The following KIAA0319 variants were observed in gnomAD, a reference collection of about 807,000 sequenced individuals.
The protein encoded by KIAA0319 is dyslexia-associated protein KIAA0319.
KIAA0319 carries 83 observed loss-of-function variants against 108.4 expected under a neutral mutation model. That is an observed-to-expected ratio of 0.77 (90% CI 0.64 to 0.92). The LOEUF is 0.92. Ranked by LOEUF, KIAA0319 falls within the 40% of genes least tolerant of loss-of-function variation. KIAA0319 has a pLI of 0.00. For synonymous variants in KIAA0319, 484 were observed against 510.4 expected (o/e 0.95, Z 0.70); for missense variants, 1,195 against 1,322.4 (o/e 0.90, Z 1.49).
At chr6:24,566,212 T>C (rs2127450210) in intron 14 of KIAA0319, among the ~76,000 whole-genome samples, 1 of 152,346 alleles carries the variant, frequency 6.6e-6, no homozygotes, top group Middle Eastern at 3.4e-3. Context: ...TAACCCCATA[T>C]GACTGTATCT....
intron 1 of KIAA0319, among the ~76,000 whole-genome samples, chr6:24,640,075 AT>A (rs954699377): frequency 3.3e-4 from 50 of 151,522 alleles, no homozygotes; most frequent in African/African-American, 9.2e-4. Context: ...AAAGGCTGCA[AT>A]TTTTTTTTAT....
chr6:24,631,484 A>T (rs369835538), intron 1 of KIAA0319, among the ~76,000 whole-genome samples: 1 of 152,256 alleles, frequency 6.6e-6, no homozygotes, highest in African/African-American at 2.4e-5. Context: ...ACCAATTGCT[A>T]TGGTAAATTT....
At chr6:24,603,265 T>C (rs1006086861) in intron 1 of KIAA0319, among the ~76,000 whole-genome samples, 4 of 152,186 alleles carry the variant, frequency 2.6e-5, no homozygotes, top group African/African-American at 9.7e-5. Flanking sequence ...CATTAGGTGA[T>C]AGAATTGAGG....
At chr6:24,573,853 A>C (rs1283950508) in intron 10 of KIAA0319, among the ~76,000 whole-genome samples, 7 of 152,192 alleles carry the variant, frequency 4.6e-5, no homozygotes, top group African/African-American at 1.7e-4. Context: ...GCAGTGGCTC[A>C]TGCCTGTAAC....
Position 24,568,832 on chromosome 6 carries a change from C to CT in KIAA0319, c.2088dup (p.Asp697ArgfsTer20), listed in dbSNP as rs746820130. 6.2e-7 allele frequency: 1 copy of CT among 1,614,198 alleles called. No individual in the cohort carries two copies. The highest frequency in any genetic ancestry group is 2.2e-5 in the East Asian group (1 of 44,886). The stretch of plus-strand genomic sequence containing the variant: ...GACGTGCTGCTCAGTCCCTGCTGGT[C>CT]TTTCACTGTCAAACGGAAGTGGTAG... On this transcript the variant is annotated frameshift_variant, in exon 13 of 21. Coordinates refer to ENST00000378214, the MANE Select transcript of KIAA0319 (RefSeq NM_014809.4). LOFTEE classifies it high-confidence loss of function.
At position 24,554,506 on chromosome 6, in the gene KIAA0319, G is replaced by C. The variant is rs201843139; in HGVS notation, c.2948+35C>G. 3.9e-4 allele frequency: 556 copies of C among 1,425,050 alleles called. 3 individuals are homozygous for C. The highest frequency in any genetic ancestry group is 3.9e-3 in the Middle Eastern group (22 of 5,664). The allele number at this position is 1,425,050 out of a possible 1,614,324, so 88.3% of individuals were successfully genotyped here. A position where few individuals can be genotyped will look rare whatever the true frequency, so the allele number is the denominator to read the frequency against. On this transcript the variant is annotated intron_variant, in intron 19 of 20. Transcript: ENST00000378214. Reference sequence around the variant, plus strand: ...AGCTGTCAAAACACACTTAGTGTAGGGTCTCTATTTCCCAGGAATAAGCAC... The same window carrying C: ...AGCTGTCAAAACACACTTAGTGTAGCGTCTCTATTTCCCAGGAATAAGCAC...
intron 13 of KIAA0319, among the ~76,000 whole-genome samples, chr6:24,567,517 C>T (rs1764069392): frequency 6.6e-6 from 1 of 152,008 alleles, no homozygotes; most frequent in African/African-American, 2.4e-5. Flanking sequence ...GCCTGGGTAG[C>T]AAGACCCGTC....
Position 24,559,082 on chromosome 6 carries a change from G to A in KIAA0319, c.2665C>T (p.Leu889=). ...VLKAAEVARN[L]HMRLSKEKAD... ...TTCTCCTTTGAGAGCCGCATGTGCA[G>A]ATTTCGGGCCACTTCAGCAGCTTTG... The change falls in exon 17 of 21, where the codon CTG becomes TTG. Residue 889 remains leucine, a synonymous_variant. Transcript: ENST00000378214. The A allele has an allele frequency of 6.2e-7, 1 of 1,613,828 alleles. No homozygotes were observed. The highest frequency in any genetic ancestry group is 8.5e-7 in the Non-Finnish European group (1 of 1,179,980).
At chr6:24,642,691 TA>T (rs1396774567) in intron 1 of KIAA0319, among the ~76,000 whole-genome samples, 1 of 151,722 alleles carries the variant, frequency 6.6e-6, no homozygotes, top group Non-Finnish European at 1.5e-5. Flanking sequence ...TTGCTTAAAT[TA>T]AATAGATGCT....
chr6:24,630,785 T>C (rs1322831939), intron 1 of KIAA0319, among the ~76,000 whole-genome samples: 2 of 151,832 alleles, frequency 1.3e-5, no homozygotes, highest in Non-Finnish European at 2.9e-5. Flanking sequence ...ACAAAAATTA[T>C]CCTTCATTGT....
At chr6:24,564,475 G>A in intron 14 of KIAA0319, 135 bp from the exon 15 acceptor site, 1 of 1,106,674 alleles carries the variant, frequency 9.0e-7, no homozygotes, top group East Asian at 2.5e-5. Flanking sequence ...CAGGGAATGA[G>A]GCTGGCGGGA....
intron 2 of KIAA0319, 69 bp from the exon 3 acceptor site, chr6:24,596,687 C>A: frequency 1.4e-6 from 2 of 1,441,420 alleles, no homozygotes; most frequent in East Asian, 2.3e-5. Flanking sequence ...GCTTAAGAAA[C>A]CAGGAAAAGG....
downstream of KIAA0319, among the ~76,000 whole-genome samples, chr6:24,543,815 C>T (rs2127395116): frequency 6.6e-6 from 1 of 152,284 alleles, no homozygotes; most frequent in Non-Finnish European, 1.5e-5. Flanking sequence ...ATCTAATCAC[C>T]CTACCATGCT....
intron 13 of KIAA0319, 113 bp from the exon 14 acceptor site, chr6:24,566,861 G>T: frequency 1.0e-6 from 1 of 984,124 alleles, no homozygotes; most frequent in Non-Finnish European, 1.4e-6. Context: ...ACAGTATGTA[G>T]AATTAAAATA....
intron 4 of KIAA0319, among the ~76,000 whole-genome samples, chr6:24,587,221 A>G (rs1327859428): frequency 2.0e-5 from 3 of 151,562 alleles, no homozygotes; most frequent in East Asian, 1.9e-4. Flanking sequence ...ACCATTCACC[A>G]TAGCCTTTTC....
chr6:24,548,033 G>A (rs941494155), intron 20 of KIAA0319, among the ~76,000 whole-genome samples: 8 of 151,994 alleles, frequency 5.3e-5, no homozygotes, highest in Middle Eastern at 3.4e-3. Context: ...ACCCTGTCTC[G>A]GGAAAAAAAA....
intron 1 of KIAA0319, among the ~76,000 whole-genome samples, chr6:24,601,616 T>A (rs926557533): frequency 1.3e-5 from 2 of 152,178 alleles, no homozygotes; most frequent in Non-Finnish European, 2.9e-5. Context: ...GCTGTTGCAG[T>A]GGGAAGCTGC....
At chr6:24,558,803 C>T (rs901472310) in intron 17 of KIAA0319, among the ~76,000 whole-genome samples, 1 of 152,138 alleles carries the variant, frequency 6.6e-6, no homozygotes, top group African/African-American at 2.4e-5. Context: ...AACTTTAGGC[C>T]CATAATTATT....
At chr6:24,604,763 T>C (rs189512739) in intron 1 of KIAA0319, among the ~76,000 whole-genome samples, 11 of 152,338 alleles carry the variant, frequency 7.2e-5, no homozygotes, top group African/African-American at 2.4e-4. Context: ...TTCCTCAACA[T>C]TAAAAGGCAT....
Sources: allele counts gnomAD v4.1 joint callset (sites outside exome capture counted in the v4.1 genomes callset), GRCh38; gene constraint gnomAD v4.1.1; transcripts MANE v1.5; gene names NCBI Gene and HGNC (gene_info 2026-07-23, HGNC 2026-07-21).